The following PLEKHG6 variants were observed in gnomAD, a reference collection of about 807,000 sequenced individuals.
PLEKHG6 encodes pleckstrin homology and RhoGEF domain containing G6.
In PLEKHG6, 91 loss-of-function variants were observed where a neutral mutation model predicts 97.5. The observed-to-expected ratio is 0.93, with a 90% CI of 0.79 to 1.11. The LOEUF (loss-of-function observed/expected upper bound fraction) is 1.11, where lower values mean the gene tolerates loss of function less well. Ranked by LOEUF, PLEKHG6 falls within the 50% of genes most tolerant of loss-of-function variation. PLEKHG6 has a pLI of 0.00. For synonymous variants in PLEKHG6, 466 were observed against 425.5 expected, an observed-to-expected ratio of 1.10 and a Z score of -1.17; for missense variants, 1,044 against 1,031.0, an observed-to-expected ratio of 1.01 and a Z score of -0.17.
intron 7 of PLEKHG6, among the ~76,000 whole-genome samples, chr12:6,317,070 C>G (rs1947489386): frequency 6.6e-6 from 1 of 152,210 alleles, no homozygotes; most frequent in South Asian, 2.1e-4. Flanking sequence ...ATAGAGGGAG[C>G]TCAGAGAGCT....
chr12:6,316,722 C>G lies in PLEKHG6; in HGVS notation c.756+318C>G, dbSNP rs944678480. On this transcript the variant is annotated intron_variant, in intron 7 of 15. Coordinates refer to ENST00000684764, the MANE Select transcript of PLEKHG6 (RefSeq NM_001384598.1). This position sits in a 1 kb window ranked among gnomAD's most constrained non-coding sequence, Gnocchi z 4.1. ...TAAGTGAGGGGACCCTTAGGAGGAC[C>G]TGGGTGGGTGTAAAAGGCCACAGGA... 9.7e-6 allele frequency among the ~76,000 whole-genome samples: 1 copy of G among 102,936 alleles called. No individual in the cohort carries two copies. Among genetic ancestry groups the G allele is most frequent in the Admixed American group, 8.7e-5 (1 of 11,544 alleles). The allele number at this position is 102,936 out of a possible 152,430, so 67.5% of individuals were successfully genotyped here. A position where few individuals can be genotyped will look rare whatever the true frequency, so the allele number is the denominator to read the frequency against.
intron 13 of PLEKHG6, among the ~76,000 whole-genome samples, chr12:6,323,955 T>A (rs1947783551): frequency 6.6e-6 from 1 of 151,816 alleles, no homozygotes. Context: ...CACTGGGGAG[T>A]TCTGGGAGGA....
At position 6,315,391 on chromosome 12, in the gene PLEKHG6, G is replaced by A. The variant is rs117854927; in HGVS notation, c.460-163G>A. 1.1e-3 allele frequency among the ~76,000 whole-genome samples: 171 copies of A among 152,334 alleles called. 6 individuals are homozygous for A. The East Asian group carries it at 0.031, about 28-fold the overall frequency. ...TCAGTTGCCACATATGTAAAGTGGG[G>A]ATAATACCACCTACACATCAGAGCA... On this transcript the variant is annotated intron_variant, in intron 4 of 15. Coordinates refer to ENST00000684764, the MANE Select transcript of PLEKHG6 (RefSeq NM_001384598.1). This position sits in a 1 kb window ranked among gnomAD's most constrained non-coding sequence, Gnocchi z 4.5.
chr12:6,326,484 G>C lies in PLEKHG6; in HGVS notation c.1581G>C (p.Leu527=). 1.2e-6 allele frequency: 2 copies of C among 1,612,250 alleles called. No homozygotes were observed. The highest frequency in any genetic ancestry group is 1.7e-6 in the Non-Finnish European group (2 of 1,179,188). The part of the protein sequence containing the change: ...EEYVQQKREL[L]TLYRDQDRES... The stretch of plus-strand genomic sequence containing the variant: ...ATGTTCAACAGAAGAGGGAGCTCCT[G>C]ACCCTCTATCGGGACCAGGACAGGG... Residue 527 remains leucine, a synonymous_variant, in exon 14 of 16, where the codon CTG becomes CTC. Coordinates refer to ENST00000684764, the MANE Select transcript of PLEKHG6 (RefSeq NM_001384598.1).
At chr12:6,314,125 C>T (rs1947366849) in intron 3 of PLEKHG6, among the ~76,000 whole-genome samples, 1 of 152,152 alleles carries the variant, frequency 6.6e-6, no homozygotes, top group Admixed American at 6.6e-5. Context: ...CCACTGTGAG[C>T]CTCACCTCTC....
At chr12:6,324,440 A>G (rs1947804860) in intron 13 of PLEKHG6, among the ~76,000 whole-genome samples, 1 of 152,050 alleles carries the variant, frequency 6.6e-6, no homozygotes, top group African/African-American at 2.4e-5. Context: ...CACCCGAAAC[A>G]CAAACCTGAA....
In PLEKHG6 at chr12:6,328,236, C is replaced by T. The variant is rs1641044734; in HGVS notation, c.*91C>T. ...CCCTCCGGCATCTGTGACTCTACCT[C>T]AAGGACCACATTTCCCAAAGGAAGC... On this transcript the variant is annotated 3_prime_UTR_variant, in exon 16 of 16. Coordinates refer to ENST00000684764, the MANE Select transcript of PLEKHG6 (RefSeq NM_001384598.1). 7 of 1,316,224 alleles carry T rather than the reference C, an allele frequency of 5.3e-6. No homozygotes were observed. Among genetic ancestry groups the T allele is most frequent in the Non-Finnish European group, 7.7e-6 (7 of 914,734 alleles). The allele number at this position is 1,316,224 out of a possible 1,614,324, so 81.5% of individuals were successfully genotyped here. A position where few individuals can be genotyped will look rare whatever the true frequency, so the allele number is the denominator to read the frequency against.
intron 11 of PLEKHG6, 50 bp downstream of exon 11, chr12:6,318,470 G>T (rs1947570683): frequency 6.4e-7 from 1 of 1,552,048 alleles, no homozygotes; most frequent in Non-Finnish European, 8.7e-7. Context: ...GTGGGAGAAG[G>T]TAAGAGGCAG....
chr12:6,315,603 T>C lies in PLEKHG6; in HGVS notation c.509T>C (p.Leu170Pro). The change falls in exon 5 of 16, where the codon CTG becomes CCG. Residue 170 changes from leucine to proline, a missense_variant. Leu to Pro is a moderately conservative substitution (Grantham distance 98). Transcript: ENST00000684764. This position sits in a 1 kb window ranked among gnomAD's most constrained non-coding sequence, Gnocchi z 4.5. ...CHQQEALWELLTTELIYVRKL... is the reference protein window; with the variant it reads ...CHQQEALWELPTTELIYVRKL... ...CAACAGGAGGCCCTGTGGGAGCTCC[T>C]GACCACCGAGCTGATCTACGTGAGA... The C allele has an allele frequency of 6.3e-7, 1 of 1,589,568 alleles. No homozygotes were observed. The highest frequency in any genetic ancestry group is 8.6e-7 in the Non-Finnish European group (1 of 1,160,072).
intron 14 of PLEKHG6, 149 bp from the exon 15 acceptor site, chr12:6,327,105 G>T (rs1592038370): frequency 3.3e-6 from 2 of 611,000 alleles, no homozygotes; most frequent in East Asian, 5.6e-5. Context: ...AATCTAGCCA[G>T]CCAGATGAGA....
chr12:6,314,497 A>G (rs928903752), intron 3 of PLEKHG6, among the ~76,000 whole-genome samples: 1 of 151,848 alleles, frequency 6.6e-6, no homozygotes, highest in Admixed American at 6.6e-5. Context: ...ACAAGAGCAA[A>G]ACTCTGTCTC....
At chr12:6,313,987 CTT>C (rs1367224530) in intron 3 of PLEKHG6, among the ~76,000 whole-genome samples, 1 of 152,230 alleles carries the variant, frequency 6.6e-6, no homozygotes, top group East Asian at 1.9e-4. Flanking sequence ...ACTTGAGACA[CTT>C]TGATTAAATG....
At chr12:6,319,141 C>A in intron 13 of PLEKHG6, 33 bp downstream of exon 13, 3 of 1,449,532 alleles carry the variant, frequency 2.1e-6, no homozygotes, top group Non-Finnish European at 2.9e-6. Context: ...GAGGCATGGG[C>A]AGGGGTCCCC....
At chr12:6,318,455 G>A in intron 11 of PLEKHG6, 35 bp downstream of exon 11, 3 of 1,569,242 alleles carry the variant, frequency 1.9e-6, no homozygotes, top group Non-Finnish European at 2.6e-6. Flanking sequence ...AGGGGATGGG[G>A]CACGGTGGGA....
rs1947523797 is a variant in PLEKHG6 at position 6,317,636 on chromosome 12, G to A, written c.957G>A (p.Leu319=). ...PHQRITKYPL[L]LHAVLKRSPE... ...AGCGCATCACCAAGTACCCACTGCT[G>A]CTCCATGCTGTGCTCAAGAGGAGCC... The change falls in exon 9 of 16, where the codon CTG becomes CTA. Residue 319 remains leucine (L), a synonymous_variant. Coordinates refer to ENST00000684764, the MANE Select transcript of PLEKHG6 (RefSeq NM_001384598.1). 1.2e-6 allele frequency: 2 copies of A among 1,614,002 alleles called. No homozygotes were observed. The highest frequency in any genetic ancestry group is 1.1e-5 in the South Asian group (1 of 91,086).
At chr12:6,314,919 C>A in intron 3 of PLEKHG6, 86 bp from the exon 4 acceptor site, 2 of 1,271,576 alleles carry the variant, frequency 1.6e-6, no homozygotes, top group Non-Finnish European at 2.2e-6. Flanking sequence ...CTTTAACACA[C>A]ATGCACACAC....
chr12:6,313,902 G>C (rs146628856), intron 3 of PLEKHG6, 118 bp downstream of exon 3: 2 of 903,748 alleles, frequency 2.2e-6, no homozygotes, highest in South Asian at 3.6e-5. Flanking sequence ...CTGCCTGCCA[G>C]TCAGACATGG....
intron 14 of PLEKHG6, among the ~76,000 whole-genome samples, chr12:6,326,960 G>C (rs984315431): frequency 6.6e-6 from 1 of 152,040 alleles, no homozygotes; most frequent in African/African-American, 2.4e-5. Context: ...AAGAAGAATC[G>C]ATCATTGAGG....
rs939986813 is a variant in PLEKHG6 at position 6,315,818 on chromosome 12, G to A, written c.556-51G>A. 65 of 1,498,096 alleles carry A rather than the reference G, an allele frequency of 4.3e-5. No homozygotes were observed. The highest frequency in any genetic ancestry group is 5.3e-5 in the Non-Finnish European group (59 of 1,104,780). The allele number at this position is 1,498,096 out of a possible 1,614,324, so 92.8% of individuals were successfully genotyped here. A position where few individuals can be genotyped will look rare whatever the true frequency, so the allele number is the denominator to read the frequency against. On this transcript the variant is annotated intron_variant, in intron 5 of 15. Coordinates refer to ENST00000684764, the MANE Select transcript of PLEKHG6 (RefSeq NM_001384598.1). The surrounding 1 kb of genome is among the most constrained non-coding windows in gnomAD (Gnocchi z 4.5). Reference sequence around the variant, plus strand: ...AAGTTGGTGGGGGGTGGGAGGTGACGACACTGAAGGGCTGCGCTGGGTCCT... The same window carrying A: ...AAGTTGGTGGGGGGTGGGAGGTGACAACACTGAAGGGCTGCGCTGGGTCCT...
Sources: allele counts gnomAD v4.1 joint callset (sites outside exome capture counted in the v4.1 genomes callset), GRCh38; gene constraint gnomAD v4.1.1; non-coding constraint Gnocchi (gnomAD v3.1); transcripts MANE v1.5; gene names NCBI Gene and HGNC (gene_info 2026-07-23, HGNC 2026-07-21).